The following MED27 variants were observed in gnomAD, a reference collection of about 807,000 sequenced individuals.
MED27 encodes mediator complex subunit 27, also known as mediator of RNA polymerase II transcription subunit 27.
In MED27, 30 loss-of-function variants were observed where a neutral mutation model predicts 38.2. The ratio of observed to expected loss-of-function variants is 0.79; its 90% CI spans 0.59 to 1.07. The LOEUF (loss-of-function observed/expected upper bound fraction) is 1.07. Among genes scored for constraint, MED27 ranks in the 50% least tolerant of loss-of-function variants. The pLI, the probability that MED27 is intolerant of heterozygous loss-of-function variation, is 0.00. For missense variants in MED27, 289 were observed against 397.5 expected, an observed-to-expected ratio of 0.73 and a Z score of 2.32; for synonymous variants, 122 against 153.5, an observed-to-expected ratio of 0.79 and a Z score of 1.52.
chr9:132,056,919 C>A lies in MED27; in HGVS notation c.348+20523G>T, dbSNP rs189568687. ...CGCTGAGGTAATGTAAACTCAGAGG[C>A]CATGAGGCCATCGTGCCCTGACAAG... On this transcript the variant is annotated intron_variant, in intron 2 of 7. Transcript: ENST00000292035. 1.3e-3 allele frequency among the ~76,000 whole-genome samples: 196 copies of A among 152,324 alleles called. 1 individual carries two copies. The highest frequency in any genetic ancestry group is 6.2e-3 in the Admixed American group (95 of 15,310).
chr9:132,069,909 C>T (rs555101346), intron 2 of MED27, among the ~76,000 whole-genome samples: 25 of 152,318 alleles, frequency 1.6e-4, no homozygotes, highest in African/African-American at 5.5e-4. Context: ...TGACTGCACA[C>T]CGCCAGGCAC....
intron 3 of MED27, among the ~76,000 whole-genome samples, chr9:132,004,402 T>C (rs996730823): frequency 1.3e-5 from 2 of 152,228 alleles, no homozygotes; most frequent in African/African-American, 4.8e-5. Flanking sequence ...ATAAGTAACA[T>C]GAACCAATTA....
Position 131,913,245 on chromosome 9 carries a change from A to G in MED27, c.574-19253T>C, listed in dbSNP as rs1005425017. ...TTCTGTATTTCTTTGAATCTCTGTG[A>G]CCTTTTCATGGATAGTAGCAGAGGT... On this transcript the variant is annotated intron_variant, in intron 4 of 7. Transcript: ENST00000292035. The surrounding 1 kb of genome is among the most constrained non-coding windows in gnomAD (Gnocchi z 4.5). Among the ~76,000 whole-genome samples, 1 of 152,190 alleles carries G rather than the reference A, an allele frequency of 6.6e-6. No homozygotes were observed. Among genetic ancestry groups the G allele is most frequent in the Admixed American group, 6.5e-5 (1 of 15,268 alleles).
chr9:131,932,093 C>T (rs181594768), intron 4 of MED27, among the ~76,000 whole-genome samples: 173 of 152,014 alleles, frequency 1.1e-3, no homozygotes, highest in African/African-American at 3.9e-3. Context: ...ACTACATGGA[C>T]CATTCTCAAG....
chr9:131,918,339 G>T (rs1481623839), intron 4 of MED27, among the ~76,000 whole-genome samples: 1 of 152,158 alleles, frequency 6.6e-6, no homozygotes, highest in African/African-American at 2.4e-5. Flanking sequence ...GAATCTTAGG[G>T]AAACTCTGTT....
At chr9:132,069,154 A>G (rs1833874692) in intron 2 of MED27, among the ~76,000 whole-genome samples, 1 of 152,192 alleles carries the variant, frequency 6.6e-6, no homozygotes, top group African/African-American at 2.4e-5. Context: ...AAACCTGATC[A>G]TCCCAGAAAA....
chr9:131,972,821 G>A (rs774128495), intron 3 of MED27, among the ~76,000 whole-genome samples: 3 of 152,182 alleles, frequency 2.0e-5, no homozygotes, highest in Non-Finnish European at 4.4e-5. Context: ...GCTGACACGG[G>A]TGGGTCATCT....
intron 6 of MED27, among the ~76,000 whole-genome samples, chr9:131,879,006 T>C (rs1767487564): frequency 6.6e-6 from 1 of 152,190 alleles, no homozygotes; most frequent in Non-Finnish European, 1.5e-5. Context: ...CCTCTGCTAC[T>C]TCCACACTTG....
chr9:131,928,650 T>C (rs1231430981), intron 4 of MED27, among the ~76,000 whole-genome samples: 1 of 152,178 alleles, frequency 6.6e-6, no homozygotes, highest in East Asian at 1.9e-4. Context: ...GCTGATGCCA[T>C]ATCCACAGAG....
chr9:131,944,558 C>T (rs1323149491), intron 3 of MED27, among the ~76,000 whole-genome samples: 4 of 147,162 alleles, frequency 2.7e-5, no homozygotes, highest in African/African-American at 5.1e-5. Flanking sequence ...GATGGAGTCT[C>T]GCTCTGTCAC....
At chr9:132,040,182 G>C (rs772010673) in intron 2 of MED27, among the ~76,000 whole-genome samples, 3 of 152,156 alleles carry the variant, frequency 2.0e-5, no homozygotes, top group African/African-American at 7.2e-5. Flanking sequence ...ATCAGTCCCC[G>C]CATATGGGCT....
intron 3 of MED27, among the ~76,000 whole-genome samples, chr9:131,985,285 C>A (rs544900326): frequency 1.3e-5 from 2 of 152,140 alleles, no homozygotes; most frequent in African/African-American, 2.4e-5. Context: ...TTACATAATA[C>A]ACTAAAACCT....
intron 5 of MED27, among the ~76,000 whole-genome samples, chr9:131,890,258 TTAAAA>T (rs1839206935): frequency 6.6e-6 from 1 of 152,208 alleles, no homozygotes; most frequent in Non-Finnish European, 1.5e-5. Flanking sequence ...CAGTGTGTCC[TTAAAA>T]TAACAAAGAG....
chr9:132,068,085 G>T (rs1378736384), intron 2 of MED27, among the ~76,000 whole-genome samples: 1 of 152,108 alleles, frequency 6.6e-6, no homozygotes, highest in Non-Finnish European at 1.5e-5. Context: ...CGCAAAAAGG[G>T]GGGAGGAAAC....
chr9:131,867,530 T>A (rs1175256122), intron 6 of MED27, among the ~76,000 whole-genome samples: 1 of 152,248 alleles, frequency 6.6e-6, no homozygotes, highest in Non-Finnish European at 1.5e-5. Context: ...GCCACCATGT[T>A]GGCCAGGTCT....
chr9:131,974,002 C>T (rs377389323), intron 3 of MED27, among the ~76,000 whole-genome samples: 4 of 152,052 alleles, frequency 2.6e-5, no homozygotes, highest in South Asian at 4.1e-4. Context: ...CGTGAGCCAC[C>T]GTGCCCGGCC....
chr9:132,010,826 G>A (rs1466123521), intron 3 of MED27, among the ~76,000 whole-genome samples: 1 of 152,044 alleles, frequency 6.6e-6, no homozygotes, highest in Non-Finnish European at 1.5e-5. Flanking sequence ...AGTGGGAATT[G>A]AACAATGAGA....
intron 2 of MED27, among the ~76,000 whole-genome samples, chr9:132,029,469 A>G (rs1028840489): frequency 4.6e-5 from 7 of 152,222 alleles, no homozygotes; most frequent in African/African-American, 1.7e-4. Context: ...AGGCCCATAT[A>G]TCACCAACTG....
intron 2 of MED27, among the ~76,000 whole-genome samples, chr9:132,037,677 C>T (rs527294407): frequency 6.6e-6 from 1 of 152,216 alleles, no homozygotes; most frequent in South Asian, 2.1e-4. Flanking sequence ...GACAGAAAAC[C>T]GGAGCTACCC....
Sources: gnomAD v4.1 joint callset for allele counts (sites outside exome capture counted in the v4.1 genomes callset) on GRCh38, gnomAD v4.1.1 for gene constraint, Gnocchi (gnomAD v3.1) non-coding constraint, MANE v1.5 for transcripts, NCBI Gene and HGNC (gene_info 2026-07-23, HGNC 2026-07-21) for gene names.